The following VMP1 variants were observed in gnomAD, a reference collection of about 807,000 sequenced individuals.
VMP1 encodes vacuole membrane protein 1, also known as ectopic P-granules autophagy protein 3 homolog.
VMP1 carries 11 observed loss-of-function variants against 56.0 expected under a neutral mutation model. The ratio of observed to expected loss-of-function variants is 0.20; its 90% CI spans 0.12 to 0.32. The LOEUF (loss-of-function observed/expected upper bound fraction) is 0.32. Ranked by LOEUF, VMP1 falls within the 10% of genes least tolerant of loss-of-function variation. The pLI, the probability that VMP1 is intolerant of heterozygous loss-of-function variation, is 1.00. For missense variants in VMP1, 296 were observed against 490.3 expected, an observed-to-expected ratio of 0.60 and a Z score of 3.74; for synonymous variants, 149 against 165.0, an observed-to-expected ratio of 0.90 and a Z score of 0.74.
intron 10 of VMP1, among the ~76,000 whole-genome samples, chr17:59,835,587 T>G (rs188119943): frequency 6.6e-6 from 1 of 150,598 alleles, no homozygotes; most frequent in African/African-American, 2.4e-5. Flanking sequence ...GCCTCCCAGG[T>G]TCAAGCGATT....
chr17:59,734,398 C>T (rs924382450), intron 2 of VMP1, among the ~76,000 whole-genome samples: 12 of 152,264 alleles, frequency 7.9e-5, no homozygotes, highest in African/African-American at 2.9e-4. Flanking sequence ...TGGAGCAGGA[C>T]TGGCAAGATT....
chr17:59,740,372 G>A (rs2035183495), intron 5 of VMP1, among the ~76,000 whole-genome samples: 1 of 152,092 alleles, frequency 6.6e-6, no homozygotes, highest in Admixed American at 6.6e-5. Flanking sequence ...CTTCATTGGG[G>A]AAAAACAGGT....
At chr17:59,755,734 G>T (rs1376873263) in intron 5 of VMP1, among the ~76,000 whole-genome samples, 1 of 142,168 alleles carries the variant, frequency 7.0e-6, no homozygotes, top group Admixed American at 7.0e-5. Flanking sequence ...TTTTTGTTTT[G>T]GTTTTTGGTT....
chr17:59,806,461 C>T (rs575167445), intron 7 of VMP1, among the ~76,000 whole-genome samples: 1 of 152,032 alleles, frequency 6.6e-6, no homozygotes, highest in Admixed American at 6.6e-5. Context: ...GGTGGTGGCT[C>T]AATGCCTGTA....
chr17:59,835,859 T>C (rs1212303741), intron 10 of VMP1, among the ~76,000 whole-genome samples: 1 of 148,382 alleles, frequency 6.7e-6, no homozygotes, highest in Admixed American at 6.7e-5. Flanking sequence ...TACATATATT[T>C]AATTATATAT....
At chr17:59,792,505 T>C (rs2037267073) in intron 7 of VMP1, among the ~76,000 whole-genome samples, 1 of 152,142 alleles carries the variant, frequency 6.6e-6, no homozygotes, top group South Asian at 2.1e-4. Flanking sequence ...ACTAGTATTA[T>C]TGTTATGTTT....
At chr17:59,836,651 G>C (rs1218429575) in intron 10 of VMP1, among the ~76,000 whole-genome samples, 1 of 151,068 alleles carries the variant, frequency 6.6e-6, no homozygotes, top group East Asian at 1.9e-4. Flanking sequence ...GCACACATGT[G>C]TGCGCATCTG....
intron 7 of VMP1, among the ~76,000 whole-genome samples, chr17:59,795,849 A>G (rs888563382): frequency 3.9e-5 from 6 of 152,112 alleles, no homozygotes; most frequent in African/African-American, 1.4e-4. Context: ...GTATAACTTC[A>G]ATTTAAACAA....
At chr17:59,779,695 AC>A (rs2036752405) in intron 7 of VMP1, among the ~76,000 whole-genome samples, 1 of 152,166 alleles carries the variant, frequency 6.6e-6, no homozygotes, top group Non-Finnish European at 1.5e-5. Flanking sequence ...AGTGGTTTAA[AC>A]TAAGAAAAGT....
chr17:59,797,413 C>T (rs2144152473), intron 7 of VMP1, among the ~76,000 whole-genome samples: 1 of 151,790 alleles, frequency 6.6e-6, no homozygotes, highest in East Asian at 1.9e-4. Flanking sequence ...CCCTAATGTC[C>T]ACCAACAATA....
intron 5 of VMP1, among the ~76,000 whole-genome samples, chr17:59,762,014 C>A (rs890173412): frequency 1.2e-4 from 18 of 152,188 alleles, no homozygotes; most frequent in African/African-American, 3.6e-4. Flanking sequence ...GACAAGAAGC[C>A]AGAGTCAATG....
At chr17:59,752,076 G>T (rs1450714300) in intron 5 of VMP1, among the ~76,000 whole-genome samples, 1 of 152,118 alleles carries the variant, frequency 6.6e-6, no homozygotes, top group African/African-American at 2.4e-5. Flanking sequence ...GCCTCCTAAA[G>T]TGCCGGGATT....
At chr17:59,838,879 A>G (rs542751200) in intron 11 of VMP1, 8 of 153,036 alleles carry the variant, frequency 5.2e-5, no homozygotes, top group African/African-American at 1.7e-4. Context: ...TTTTCTGTAA[A>G]CGATTCTGAG....
intron 7 of VMP1, among the ~76,000 whole-genome samples, chr17:59,802,736 T>G (rs2037717554): frequency 6.6e-6 from 1 of 152,126 alleles, no homozygotes; most frequent in African/African-American, 2.4e-5. Flanking sequence ...TAGCTAATTT[T>G]CTGGGTTTGC....
chr17:59,784,048 T>C (rs1345974152), intron 7 of VMP1, among the ~76,000 whole-genome samples: 1 of 151,618 alleles, frequency 6.6e-6, no homozygotes, highest in East Asian at 1.9e-4. Context: ...TCCTCTGTAT[T>C]GATGGTTTTC....
At chr17:59,816,158 T>G (rs1013141540) in intron 9 of VMP1, among the ~76,000 whole-genome samples, 13 of 152,214 alleles carry the variant, frequency 8.5e-5, no homozygotes, top group Non-Finnish European at 1.5e-5. Context: ...AGCTGCTACA[T>G]ACAAAAAGAA....
At chr17:59,726,551 C>T (rs1449077862) in intron 1 of VMP1, among the ~76,000 whole-genome samples, 22 of 152,236 alleles carry the variant, frequency 1.4e-4, no homozygotes, top group African/African-American at 4.6e-4. Context: ...GCCTCAGCCT[C>T]CCAAAGTGCT....
chr17:59,832,573 ATTTGTTTTGTTTTGT>A (rs71145579), intron 10 of VMP1, among the ~76,000 whole-genome samples: 141 of 146,246 alleles, frequency 9.6e-4, no homozygotes, highest in South Asian at 2.0e-3. Context: ...AATTGTAGTT[ATTTGTTTTGTTTTGT>A]TTTGTTTTGT....
At chr17:59,762,666 G>A (rs2143974798) in intron 5 of VMP1, among the ~76,000 whole-genome samples, 1 of 152,224 alleles carries the variant, frequency 6.6e-6, no homozygotes, top group Non-Finnish European at 1.5e-5. Flanking sequence ...CTGCCTCAAA[G>A]GCTGAGTAAT....
Sources: allele counts gnomAD v4.1 joint callset (sites outside exome capture counted in the v4.1 genomes callset), GRCh38; gene constraint gnomAD v4.1.1; transcripts MANE v1.5; gene names NCBI Gene and HGNC (gene_info 2026-07-23, HGNC 2026-07-21).